TANC1: variants seen among roughly 807,000 people sequenced by gnomAD.
TANC1 encodes protein TANC1.
In TANC1, 77 loss-of-function variants were observed where a neutral mutation model predicts 149.7. That is an observed-to-expected ratio of 0.51 (90% CI 0.43 to 0.62). The LOEUF is 0.62. TANC1 is among the 20% of genes least tolerant of loss of function. The pLI is 0.00. For missense variants in TANC1, 1,985 were observed against 2,321.8 expected (o/e 0.85, Z 2.98); for synonymous variants, 854 against 925.0 (o/e 0.92, Z 1.39).
At chr2:159,174,530 C>G (rs1041862963) in intron 11 of TANC1, among the ~76,000 whole-genome samples, 3 of 152,084 alleles carry the variant, frequency 2.0e-5, no homozygotes, top group African/African-American at 7.2e-5. Context: ...TATCATCTGC[C>G]TTTTGGGATC....
intron 4 of TANC1, among the ~76,000 whole-genome samples, chr2:159,100,915 G>T (rs2046623684): frequency 6.6e-6 from 1 of 152,070 alleles, no homozygotes; most frequent in Non-Finnish European, 1.5e-5. Context: ...ATGTGTACTG[G>T]ATTTAAAAAG....
intron 2 of TANC1, among the ~76,000 whole-genome samples, chr2:159,040,419 T>G (rs191386385): frequency 1.7e-4 from 26 of 152,344 alleles, no homozygotes; most frequent in African/African-American, 6.0e-4. Flanking sequence ...ATTTGGTCTT[T>G]TCACATAGTC....
In TANC1 at chr2:159,046,233, T is replaced by C. The variant is rs931138874; in HGVS notation, c.-15-19663T>C. On this transcript the variant is annotated intron_variant, in intron 2 of 26. Transcript: ENST00000263635. ...ATCATGTTAAATGGTTTTGTGGTTT[T>C]AGACTGCGTCTCTCTTTTGCAAATT... Among the ~76,000 whole-genome samples the C allele has an allele frequency of 7.9e-4, 121 of 152,360 alleles. 1 individual carries two copies. Among genetic ancestry groups the C allele is most frequent in the African/African-American group, 2.7e-3 (111 of 41,590 alleles).
chr2:159,099,504 A>AAAAC (rs2046457291), intron 4 of TANC1, among the ~76,000 whole-genome samples: 2 of 150,736 alleles, frequency 1.3e-5, no homozygotes, highest in African/African-American at 5.0e-5. Flanking sequence ...GACCAAAAAA[A>AAAAC]AAAACAAAAC....
intron 4 of TANC1, among the ~76,000 whole-genome samples, chr2:159,115,207 CGT>C (rs552279066): frequency 6.7e-6 from 1 of 149,184 alleles, no homozygotes; most frequent in African/African-American, 2.5e-5. Context: ...TATGTGTGTC[CGT>C]GTGTGTGTGT....
chr2:158,988,430 C>T (rs561177156), intron 1 of TANC1, among the ~76,000 whole-genome samples: 4 of 152,098 alleles, frequency 2.6e-5, no homozygotes, highest in African/African-American at 4.8e-5. Flanking sequence ...CTTTCTCTCC[C>T]GGGAGCAAGA....
intron 5 of TANC1, among the ~76,000 whole-genome samples, chr2:159,147,260 G>A (rs1270432970): frequency 1.3e-5 from 2 of 152,236 alleles, no homozygotes; most frequent in African/African-American, 4.8e-5. Context: ...ATCGGGAGCA[G>A]TGTGGAGATT....
chr2:159,007,136 C>CTGT (rs2037268699), intron 2 of TANC1, among the ~76,000 whole-genome samples: 1 of 121,608 alleles, frequency 8.2e-6, no homozygotes, highest in Non-Finnish European at 1.8e-5. Flanking sequence ...ATCTTTAATA[C>CTGT]TGTTTTTTTT....
intron 4 of TANC1, among the ~76,000 whole-genome samples, chr2:159,099,866 A>C (rs1367221330): frequency 2.0e-5 from 3 of 151,942 alleles, no homozygotes; most frequent in African/African-American, 4.8e-5. Context: ...GAGCTCAATC[A>C]ACTCTTTCCC....
intron 1 of TANC1, among the ~76,000 whole-genome samples, chr2:158,996,492 G>A (rs2036150393): frequency 6.6e-6 from 1 of 152,200 alleles, no homozygotes; most frequent in South Asian, 2.1e-4. Flanking sequence ...ATATCAATAT[G>A]CATTCTTCTA....
At chr2:159,206,340 C>T (rs915036889) in intron 19 of TANC1, among the ~76,000 whole-genome samples, 1 of 152,254 alleles carries the variant, frequency 6.6e-6, no homozygotes, top group South Asian at 2.1e-4. Flanking sequence ...TTTGTCCATA[C>T]CCTATCCTCC....
chr2:159,220,808 C>G (rs987802404), intron 22 of TANC1, among the ~76,000 whole-genome samples: 2 of 152,176 alleles, frequency 1.3e-5, no homozygotes, highest in African/African-American at 4.8e-5. Flanking sequence ...TCTCGAACTC[C>G]TGGGCTCAAG....
chr2:158,998,258 A>C lies in TANC1; in HGVS notation c.-125-2822A>C, dbSNP rs573611502. Among the ~76,000 whole-genome samples, 3 of 152,050 alleles carry C rather than the reference A, an allele frequency of 2.0e-5. No individual in the cohort carries two copies. In the South Asian group the frequency reaches 6.2e-4, roughly 32 times the overall value. On this transcript the variant is annotated intron_variant, in intron 1 of 26. Transcript: ENST00000263635. ...GAGACCCTGTCTCAAAAAAAAAAAG[A>C]AAAAAGTTAAAAGAAATGTACAGTG...
At position 159,091,969 on chromosome 2, in the gene TANC1, G is replaced by GT. The variant is rs1553545677; in HGVS notation, c.62-5668_62-5667insT. On this transcript the variant is annotated intron_variant, in intron 3 of 26. Transcript: ENST00000263635. The stretch of plus-strand genomic sequence containing the variant: ...TCAGTTTTCTGTAAATATAGGGGGG[G>GT]GTGTGTGTGTGTATGTATGTAGAGT... Among the ~76,000 whole-genome samples, 102 of 145,352 alleles carry GT rather than the reference G, an allele frequency of 7.0e-4. 1 individual carries two copies. The highest frequency in any genetic ancestry group is 1.3e-3 in the Non-Finnish European group (84 of 66,638).
chr2:159,083,766 T>G (rs2044526468), intron 3 of TANC1, among the ~76,000 whole-genome samples: 1 of 152,256 alleles, frequency 6.6e-6, no homozygotes, highest in Non-Finnish European at 1.5e-5. Context: ...AATTCATGAT[T>G]AGAATGGAAT....
intron 11 of TANC1, among the ~76,000 whole-genome samples, chr2:159,172,766 T>G (rs1020922821): frequency 2.6e-5 from 4 of 152,258 alleles, no homozygotes; most frequent in Non-Finnish European, 5.9e-5. Context: ...GAAGTTTTTC[T>G]TCTGCTTAGC....
At chr2:159,108,583 G>T (rs1462551704) in intron 4 of TANC1, among the ~76,000 whole-genome samples, 1 of 152,204 alleles carries the variant, frequency 6.6e-6, no homozygotes, top group Non-Finnish European at 1.5e-5. Flanking sequence ...CCATGCAGGT[G>T]ATTATATCTA....
intron 19 of TANC1, among the ~76,000 whole-genome samples, chr2:159,215,042 C>T (rs890190116): frequency 6.6e-6 from 1 of 152,174 alleles, no homozygotes; most frequent in Non-Finnish European, 1.5e-5. Flanking sequence ...AAGTTCCCCT[C>T]ACTGCTGAGG....
chr2:159,040,206 A>G (rs1274155522), intron 2 of TANC1, among the ~76,000 whole-genome samples: 1 of 152,092 alleles, frequency 6.6e-6, no homozygotes, highest in African/African-American at 2.4e-5. Context: ...TTTGCTTGGT[A>G]GATCTTCCTC....
Sources: gnomAD v4.1 joint callset for allele counts (sites outside exome capture counted in the v4.1 genomes callset) on GRCh38, gnomAD v4.1.1 for gene constraint, MANE v1.5 for transcripts, NCBI Gene and HGNC (gene_info 2026-07-23, HGNC 2026-07-21) for gene names.